HEATR9: variants seen among roughly 807,000 people sequenced by gnomAD.
The protein encoded by HEATR9 is protein HEATR9.
A neutral mutation model predicts 68.2 loss-of-function variants in HEATR9; 54 were observed. That is an observed-to-expected ratio of 0.79 (90% CI 0.64 to 0.99). The LOEUF (loss-of-function observed/expected upper bound fraction) is 0.99, where lower values mean the gene tolerates loss of function less well. HEATR9 is among the 50% of genes least tolerant of loss of function. HEATR9 has a pLI of 0.00. For synonymous variants in HEATR9, 241 were observed against 253.5 expected, an observed-to-expected ratio of 0.95 and a Z score of 0.47; for missense variants, 662 against 679.7, an observed-to-expected ratio of 0.97 and a Z score of 0.29.
intron 9 of HEATR9, among the ~76,000 whole-genome samples, 167 bp from the exon 10 acceptor site, chr17:35,858,692 C>G (rs527827833): frequency 1.2e-4 from 19 of 152,270 alleles, no homozygotes; most frequent in Admixed American, 1.2e-3. Flanking sequence ...CATAAATGAA[C>G]ACCCACACCT....
At chr17:35,866,813 G>C in intron 1 of HEATR9, 40 bp from the exon 2 acceptor site, 1 of 1,599,790 alleles carries the variant, frequency 6.3e-7, no homozygotes, top group South Asian at 1.1e-5. Flanking sequence ...GTTCAAATGA[G>C]ATAGCAGTTG....
chr17:35,864,443 A>G, intron 5 of HEATR9, 54 bp downstream of exon 5: 1 of 1,593,796 alleles, frequency 6.3e-7, no homozygotes, highest in African/African-American at 1.3e-5. Context: ...TTTACTTTCC[A>G]GCTTGGCCAA....
intron 2 of HEATR9, 39 bp from the exon 3 acceptor site, chr17:35,865,435 C>A: frequency 6.4e-7 from 1 of 1,568,254 alleles, no homozygotes; most frequent in Non-Finnish European, 8.7e-7. Flanking sequence ...GAGGGGTCCC[C>A]TAGGCCCTTA....
Position 35,858,987 on chromosome 17 carries a change from C to A in HEATR9, c.840G>T (p.Glu280Asp), listed in dbSNP as rs1184073507. ...TCAGGAAACCCAGGCACAGGGCTGC[C>A]TCCAGAGATGCTTCACTGGACGACT... ...IKKSSSEASL[E>D]AALCLGFLRP... The change falls in exon 9 of 15, where the codon GAG (glutamate) becomes GAT (aspartate). Residue 280 changes from glutamate to aspartate, a missense_variant. Transcript: ENST00000604834. 1 of 1,614,218 alleles carries A rather than the reference C, an allele frequency of 6.2e-7. No individual in the cohort carries two copies. The highest frequency in any genetic ancestry group is 1.7e-5 in the Admixed American group (1 of 60,026).
intron 10 of HEATR9, 48 bp downstream of exon 10, chr17:35,858,385 C>G: frequency 6.2e-7 from 1 of 1,613,920 alleles, no homozygotes; most frequent in Non-Finnish European, 8.5e-7. Context: ...ATCCCCTAAC[C>G]CTATCCTAGT....
intron 10 of HEATR9, 45 bp downstream of exon 10, chr17:35,858,388 A>G: frequency 3.7e-6 from 6 of 1,613,954 alleles, no homozygotes; most frequent in Non-Finnish European, 5.1e-6. Context: ...CCCTAACCCT[A>G]TCCTAGTGCC....
At chr17:35,861,601 C>A in intron 8 of HEATR9, 1 of 651,646 alleles carries the variant, frequency 1.5e-6, no homozygotes, top group Non-Finnish European at 2.8e-6. Flanking sequence ...GCTTTCTTAA[C>A]CATGCCAAAC....
rs369285031 is a variant in HEATR9 at position 35,855,355 on chromosome 17, A to G, written c.1421T>C (p.Leu474Pro). Residue 474 changes from leucine (L) to proline (P), a missense_variant, in exon 15 of 15, where the codon CTG becomes CCG. Leu to Pro is a moderately conservative substitution (Grantham distance 98). Transcript: ENST00000604834. Reference sequence around the variant, plus strand: ...ATATACAGAGAGAACCTTGTTTTTCAGCTTGTTTTGGATCCAGGGATCAAT... The same window carrying G: ...ATATACAGAGAGAACCTTGTTTTTCGGCTTGTTTTGGATCCAGGGATCAAT... ...ASIDPWIQNK[L>P]KNKVLSVYEA... is the part of the protein sequence containing the mutation. The G allele has an allele frequency of 1.1e-5, 18 of 1,614,042 alleles. No individual in the cohort carries two copies. The Admixed American group carries it at 1.7e-4, about 15-fold the overall frequency.
Position 35,864,261 on chromosome 17 carries a change from C to T in HEATR9, c.552G>A (p.Glu184=), listed in dbSNP as rs2088113245. 1 of 1,612,530 alleles carries T rather than the reference C, an allele frequency of 6.2e-7. No individual in the cohort carries two copies. The highest frequency in any genetic ancestry group is 8.5e-7 in the Non-Finnish European group (1 of 1,178,638). The change falls in exon 6 of 15, where the codon GAG becomes GAA. Residue 184 remains glutamate (E), a synonymous_variant. Coordinates refer to ENST00000604834, the MANE Select transcript of HEATR9 (RefSeq NM_152781.4). The stretch of plus-strand genomic sequence containing the variant: ...TCAGACTCACCACCTGCTGTAGTGC[C>T]TCCATGACAAACTTGTCACTGATGC... The part of the protein sequence containing the change: ...CLRISDKFVM[E]ALQQVAQTGP...
At chr17:35,865,032 AGAGCC>A (rs1324949728) in intron 3 of HEATR9, 142 bp from the exon 4 acceptor site, 251 of 1,357,832 alleles carry the variant, frequency 1.8e-4, no homozygotes, top group Admixed American at 7.2e-4. Context: ...GATATCCACC[AGAGCC>A]GAGCCGAGCC....
rs755383059 is a variant in HEATR9 at position 35,859,072 on chromosome 17, T to G, written c.757-2A>C. 2 of 1,613,282 alleles carry G rather than the reference T, an allele frequency of 1.2e-6. No individual in the cohort carries two copies. Among genetic ancestry groups the G allele is most frequent in the Non-Finnish European group, 1.7e-6 (2 of 1,179,292 alleles). On this transcript the variant is annotated splice_acceptor_variant, in intron 8 of 14. Transcript: ENST00000604834. LOFTEE classifies it high-confidence loss of function. Reference sequence around the variant, plus strand: ...GCCCTCATCCCCGACTTGAGTCCTCTGTGAGGGAGACAAAATGGCTAAGGG... The same window carrying G: ...GCCCTCATCCCCGACTTGAGTCCTCGGTGAGGGAGACAAAATGGCTAAGGG...
intron 14 of HEATR9, 59 bp from the exon 15 acceptor site, chr17:35,855,469 A>C: frequency 6.7e-7 from 1 of 1,500,396 alleles, no homozygotes. Flanking sequence ...GGGAGGCTCC[A>C]GAGAGGGGGC....
chr17:35,867,239 C>T (rs985189695), intron 1 of HEATR9, among the ~76,000 whole-genome samples: 3 of 151,476 alleles, frequency 2.0e-5, no homozygotes, highest in South Asian at 2.1e-4. Flanking sequence ...GGCGACAGAG[C>T]GACAGAGCGA....
intron 1 of HEATR9, among the ~76,000 whole-genome samples, chr17:35,867,022 C>T (rs1392970390): frequency 2.0e-5 from 3 of 151,802 alleles, no homozygotes; most frequent in East Asian, 1.9e-4. Context: ...GAGGCCGAGA[C>T]GGGCGGATCA....
chr17:35,856,900 T>C (rs1040279503), intron 11 of HEATR9, 95 bp from the exon 12 acceptor site: 15 of 1,158,076 alleles, frequency 1.3e-5, no homozygotes, highest in Non-Finnish European at 1.5e-5. Context: ...TCCTTTGTGC[T>C]ATGTAGAGTC....
At position 35,865,278 on chromosome 17, in the gene HEATR9, A is replaced by G. The variant is rs1231785580; in HGVS notation, c.257T>C (p.Leu86Pro). 6.2e-7 allele frequency: 1 copy of G among 1,613,982 alleles called. No individual in the cohort carries two copies. Among genetic ancestry groups the G allele is most frequent in the South Asian group, 1.1e-5 (1 of 91,056 alleles). The change falls in exon 3 of 15, where the codon CTG becomes CCG. Residue 86 changes from leucine to proline, a missense_variant. Coordinates refer to ENST00000604834, the MANE Select transcript of HEATR9 (RefSeq NM_152781.4). ...CTCCCTTTCCTCTCGCTGATCATAC[A>G]GGTCGTGCCAGTGCGTGTAGATCTC... ...KPEIYTHWHD[L>P]YDQREEREAE...
In HEATR9 at chr17:35,856,126, C is replaced by T. The variant is rs945854007; in HGVS notation, c.1278+47G>A. On this transcript the variant is annotated intron_variant, in intron 13 of 14. Transcript: ENST00000604834. ...GACTCTGCTCAATCGCCTACTCCCC[C>T]TGCCATCAACACAGGAATTGGGTCA... The T allele has an allele frequency of 5.7e-6, 9 of 1,580,154 alleles. No homozygotes were observed. In the African/African-American group the frequency reaches 1.1e-4, roughly 19 times the overall value.
At chr17:35,858,728 G>A (rs778952878) in intron 9 of HEATR9, among the ~76,000 whole-genome samples, 160 bp downstream of exon 9, 3 of 152,040 alleles carry the variant, frequency 2.0e-5, no homozygotes, top group African/African-American at 4.8e-5. Context: ...ACACATGGAC[G>A]CTTATATGTC....
chr17:35,856,831 CAG>C (rs1338655922), intron 11 of HEATR9, 26 bp from the exon 12 acceptor site: 4 of 1,579,680 alleles, frequency 2.5e-6, no homozygotes, highest in Non-Finnish European at 3.5e-6. Context: ...AATGAGTCAA[CAG>C]AGAGAGGGAA....
Sources: gnomAD v4.1 joint callset for allele counts (sites outside exome capture counted in the v4.1 genomes callset) on GRCh38, gnomAD v4.1.1 for gene constraint, MANE v1.5 for transcripts, NCBI Gene and HGNC (gene_info 2026-07-23, HGNC 2026-07-21) for gene names.